POLR2F: variants seen among roughly 807,000 people sequenced by gnomAD.
POLR2F encodes RNA polymerase II, I and III subunit F, also known as DNA-directed RNA polymerases I, II, and III subunit RPABC2.
A neutral mutation model predicts 22.7 loss-of-function variants in POLR2F; 12 were observed. The ratio of observed to expected loss-of-function variants is 0.53; its 90% CI spans 0.34 to 0.86. The LOEUF is 0.86. Among genes scored for constraint, POLR2F ranks in the 40% least tolerant of loss-of-function variants. POLR2F has a pLI of 0.02. For missense variants in POLR2F, 126 were observed against 171.5 expected (o/e 0.73, Z 1.48); for synonymous variants, 57 against 66.0 (o/e 0.86, Z 0.66).
At chr22:38,018,475 GGGGTCA>G (rs1396118438) in intron 1 of POLR2F, among the ~76,000 whole-genome samples, 4 of 152,114 alleles carry the variant, frequency 2.6e-5, no homozygotes, top group Admixed American at 6.6e-5. Flanking sequence ...AGCTGAAGGA[GGGGTCA>G]GGGTCAGGGT....
In POLR2F at chr22:37,953,823, G is replaced by A; in HGVS notation, c.20+16G>A. The A allele has an allele frequency of 1.2e-6, 2 of 1,608,010 alleles. No individual in the cohort carries two copies. The highest frequency in any genetic ancestry group is 1.7e-6 in the Non-Finnish European group (2 of 1,178,372). On this transcript the variant is annotated intron_variant, in intron 1 of 4. Coordinates refer to ENST00000442738, the MANE Select transcript of POLR2F (RefSeq NM_021974.5). Reference sequence around the variant, plus strand: ...ACGAGGACAAGTGAGTGCGGGAGCGGAGTGGCCTTTGCGGCAACCTTGGAA... The same window carrying A: ...ACGAGGACAAGTGAGTGCGGGAGCGAAGTGGCCTTTGCGGCAACCTTGGAA...
rs1287064964 is a variant in POLR2F, at chr22:37,960,994, GC to G, written c.221+1521del. Among the ~76,000 whole-genome samples, 32 of 151,348 alleles carry G rather than the reference GC, an allele frequency of 2.1e-4. No homozygotes were observed. In the East Asian group the frequency reaches 2.6e-3, roughly 12 times the overall value. On this transcript the variant is annotated intron_variant, in intron 3 of 4. Transcript: ENST00000442738. ...CTCCCAAGCAGCTGGGACTACAGGT[GC>G]CCACCACAACGCCTGGCTAATTTTT...
rs1555945798 is a variant in POLR2F at position 38,020,206 on chromosome 22, T to TATACAC, written c.121-5662_121-5661insTACACA. Among the ~76,000 whole-genome samples the TATACAC allele has an allele frequency of 6.7e-4, 97 of 144,804 alleles. 1 individual carries two copies. In the South Asian group the frequency reaches 8.2e-3, roughly 12 times the overall value. 95.0% of individuals were successfully genotyped at this position (144,804 alleles called of 152,430 possible). On this transcript the variant is annotated intron_variant, in intron 1 of 2. Transcript: ENST00000333418. The stretch of plus-strand genomic sequence containing the variant: ...TCTGCTAAATACACACACACATATA[T>TATACAC]ACACACACACACACACACACACACA...
Position 37,978,770 on chromosome 22 carries a change from TTTTC to T in POLR2F, c.293+11612_293+11615del, listed in dbSNP as rs773022913. 4.6e-5 allele frequency among the ~76,000 whole-genome samples: 7 copies of T among 152,022 alleles called. No individual in the cohort carries two copies. The East Asian group carries it at 5.8e-4, about 13-fold the overall frequency. On this transcript the variant is annotated intron_variant, in intron 4 of 4. Coordinates refer to the POLR2F transcript ENST00000405557. The surrounding 1 kb of genome is among the most constrained non-coding windows in gnomAD (Gnocchi z 5.0). ...GCTGAGCACCTTGAGGAAGAGGTGC[TTTTC>T]TTTCTTTCTTTTTTTTTTCTGTGAG...
At chr22:38,024,264 G>A (rs1041668116) in intron 1 of POLR2F, among the ~76,000 whole-genome samples, 1 of 152,048 alleles carries the variant, frequency 6.6e-6, no homozygotes, top group Admixed American at 6.6e-5. Flanking sequence ...CTATCTTGTG[G>A]CGTGTGTCAG....
rs529339003 is a variant in POLR2F at position 38,003,590 on chromosome 22, T to C, written c.120+17278T>C. Among the ~76,000 whole-genome samples, 6 of 151,410 alleles carry C rather than the reference T, an allele frequency of 4.0e-5. No individual in the cohort carries two copies. The East Asian group carries it at 1.2e-3, about 30-fold the overall frequency. ...CACAGTCAGCCTATTTTTTTTTTTT[T>C]CTTTTTGAGACGGAGTCTCACTCTT... On this transcript the variant is annotated intron_variant, in intron 1 of 2. Transcript: ENST00000333418.
chr22:37,976,637 G>A (rs1177013125), intron 4 of POLR2F, among the ~76,000 whole-genome samples: 1 of 152,164 alleles, frequency 6.6e-6, no homozygotes, highest in Non-Finnish European at 1.5e-5. Context: ...AGCCAAACTG[G>A]GGAAGTTCCT....
At chr22:37,987,228 C>T (rs1267802542) in intron 1 of POLR2F, 2 of 456,532 alleles carry the variant, frequency 4.4e-6, no homozygotes, top group African/African-American at 4.0e-5. Context: ...TTCCATGGCC[C>T]AAGGAGGCCT....
chr22:38,020,098 C>T (rs866395993), intron 1 of POLR2F, among the ~76,000 whole-genome samples: 3 of 151,914 alleles, frequency 2.0e-5, no homozygotes, highest in Non-Finnish European at 2.9e-5. Flanking sequence ...CCTATAATCC[C>T]GGCACTTTGG....
chr22:37,990,831 T>C (rs976073455), intron 1 of POLR2F, among the ~76,000 whole-genome samples: 5 of 152,246 alleles, frequency 3.3e-5, no homozygotes, highest in Admixed American at 1.3e-4. Flanking sequence ...CCATATTTGA[T>C]AACCCATGAA....
intron 4 of POLR2F, among the ~76,000 whole-genome samples, chr22:37,976,327 C>G (rs1358962175): frequency 6.6e-6 from 1 of 152,218 alleles, no homozygotes; most frequent in African/African-American, 2.4e-5. Context: ...TCCTGTGTAG[C>G]TGGGACTGCG....
chr22:37,956,941 C>A (rs765340618), intron 2 of POLR2F, 99 bp downstream of exon 2: 2 of 923,312 alleles, frequency 2.2e-6, no homozygotes, highest in South Asian at 1.3e-5. Flanking sequence ...TATTTGTGGT[C>A]AAGGCCCCTG....
At chr22:38,011,106 GTTTC>G (rs907496988) in intron 1 of POLR2F, among the ~76,000 whole-genome samples, 42 of 151,712 alleles carry the variant, frequency 2.8e-4, no homozygotes, top group African/African-American at 9.9e-4. Flanking sequence ...GCTATGATCT[GTTTC>G]TTTCTTTTTG....
chr22:38,035,187 C>T (rs907430258), intron 5 of POLR2F, among the ~76,000 whole-genome samples: 1 of 152,184 alleles, frequency 6.6e-6, no homozygotes, highest in Non-Finnish European at 1.5e-5. Flanking sequence ...TCTGTGGCAT[C>T]GCCTGTGGCA....
At chr22:38,007,085 T>G (rs888774102) in intron 1 of POLR2F, among the ~76,000 whole-genome samples, 11 of 152,174 alleles carry the variant, frequency 7.2e-5, no homozygotes, top group African/African-American at 2.4e-4. Context: ...TGGCTAAGGT[T>G]GCCTGTGGTG....
Position 37,986,289 on chromosome 22 carries a change from C to T in POLR2F, c.99C>T (p.Cys33=), listed in dbSNP as rs746200982. ...CCCGCTGCTGCCCGCCCGCTGCCTG[C>T]CTGCCTGGCATCTCTCTCTCCCGGT... The change falls in exon 1 of 3, where the codon TGC becomes TGT. Residue 33 remains cysteine (C), a synonymous_variant. Transcript: ENST00000333418. The surrounding 1 kb of genome is among the most constrained non-coding windows in gnomAD (Gnocchi z 4.7). 6.5e-6 allele frequency: 10 copies of T among 1,538,330 alleles called. No homozygotes were observed. The highest frequency in any genetic ancestry group is 3.6e-5 in the South Asian group (3 of 83,954).
intron 1 of POLR2F, among the ~76,000 whole-genome samples, chr22:38,010,169 G>A (rs760318635): frequency 6.6e-6 from 1 of 152,162 alleles, no homozygotes; most frequent in East Asian, 1.9e-4. Flanking sequence ...GGATCCAGAA[G>A]TTCAAGGCCA....
chr22:37,968,777 A>C lies in POLR2F; in HGVS notation c.*1062A>C. 1.0e-6 allele frequency: 1 copy of C among 985,300 alleles called. No individual in the cohort carries two copies. The highest frequency in any genetic ancestry group is 1.2e-6 in the Non-Finnish European group (1 of 829,890). The allele number at this position is 985,300 out of a possible 1,614,324, so 61.0% of individuals were successfully genotyped here. A position where few individuals can be genotyped will look rare whatever the true frequency, so the allele number is the denominator to read the frequency against. ...AAAGAGGAGGAGCTGGGCTTCCCTA[A>C]CCTCTGCAGGAGGCAGGGCCTCCAG... On this transcript the variant is annotated 3_prime_UTR_variant, in exon 5 of 5. Coordinates refer to ENST00000442738, the MANE Select transcript of POLR2F (RefSeq NM_021974.5).
chr22:37,991,254 A>G (rs1173290485), intron 1 of POLR2F, among the ~76,000 whole-genome samples: 2 of 152,088 alleles, frequency 1.3e-5, no homozygotes, highest in African/African-American at 4.8e-5. Flanking sequence ...TAGGTGGGAC[A>G]CTACCGGCGC....
Sources: gnomAD v4.1 joint callset for allele counts (sites outside exome capture counted in the v4.1 genomes callset) on GRCh38, gnomAD v4.1.1 for gene constraint, Gnocchi (gnomAD v3.1) non-coding constraint, MANE v1.5 for transcripts, NCBI Gene and HGNC (gene_info 2026-07-23, HGNC 2026-07-21) for gene names.